The following SPTAN1 variants were observed in gnomAD, a reference collection of about 807,000 sequenced individuals.
The protein encoded by SPTAN1 is spectrin alpha, non-erythrocytic 1.
Under a neutral mutation model 331.3 loss-of-function variants are expected in SPTAN1, and 61 were observed. The observed-to-expected ratio is 0.18, with a 90% confidence interval of 0.15 to 0.23. SPTAN1 has a LOEUF of 0.23. Ranked by LOEUF, SPTAN1 falls within the 10% of genes least tolerant of loss-of-function variation. The pLI, the probability that SPTAN1 is intolerant of heterozygous loss-of-function variation, is 1.00. For synonymous variants in SPTAN1, 1,153 were observed against 1,173.9 expected (o/e 0.98, Z 0.36); for missense variants, 2,043 against 3,147.9 (o/e 0.65, Z 8.40).
intron 45 of SPTAN1, among the ~76,000 whole-genome samples, chr9:128,623,089 C>T (rs932286306): frequency 2.0e-5 from 3 of 149,036 alleles, no homozygotes; most frequent in Non-Finnish European, 4.5e-5. Flanking sequence ...GAGTCTTGCT[C>T]TTGTCGCCCA....
intron 1 of SPTAN1, among the ~76,000 whole-genome samples, chr9:128,565,121 G>C (rs1849863862): frequency 6.6e-6 from 1 of 152,130 alleles, no homozygotes; most frequent in Admixed American, 6.5e-5. Context: ...TGGCCAACAT[G>C]GTGAAACCCC....
Position 128,633,575 on chromosome 9 carries a change from G to A in SPTAN1, c.*241G>A, listed in dbSNP as rs1412940638. On this transcript the variant is annotated 3_prime_UTR_variant, in exon 57 of 57. Coordinates refer to ENST00000372739, the MANE Select transcript of SPTAN1 (RefSeq NM_001130438.3). ...CTCATTCCGACTTCAGAAAATCGAA[G>A]CAGCTGGCTCCTCCCCTTGTTCTCT... The A allele has an allele frequency of 9.3e-6, 10 of 1,073,782 alleles. No homozygotes were observed. Among genetic ancestry groups the A allele is most frequent in the Non-Finnish European group, 1.2e-5 (9 of 736,120 alleles). The allele number at this position is 1,073,782 out of a possible 1,614,324, so 66.5% of individuals were successfully genotyped here.
chr9:128,610,414 G>T (rs550178651), intron 37 of SPTAN1, among the ~76,000 whole-genome samples: 1 of 152,298 alleles, frequency 6.6e-6, no homozygotes, highest in East Asian at 1.9e-4. Flanking sequence ...TTCCTTCTTG[G>T]CTTTGGGATC....
chr9:128,578,918 CT>C (rs1851630103), intron 9 of SPTAN1, among the ~76,000 whole-genome samples: 1 of 151,040 alleles, frequency 6.6e-6, no homozygotes, highest in Non-Finnish European at 1.5e-5. Context: ...ACATGTTTCT[CT>C]ACACTAGCAA....
chr9:128,590,564 A>AT (rs1412537368), intron 21 of SPTAN1, among the ~76,000 whole-genome samples: 1 of 150,096 alleles, frequency 6.7e-6, no homozygotes, highest in Non-Finnish European at 1.5e-5. Context: ...GAAAAAAAAA[A>AT]AAAAGGGCCA....
intron 2 of SPTAN1, among the ~76,000 whole-genome samples, chr9:128,568,470 G>C (rs941993232): frequency 6.6e-6 from 1 of 152,182 alleles, no homozygotes; most frequent in Non-Finnish European, 1.5e-5. Flanking sequence ...CTAATTTTCT[G>C]ATAGCAAAAA....
chr9:128,591,393 CGT>C, intron 21 of SPTAN1, 82 bp from the exon 22 acceptor site: 5 of 1,573,934 alleles, frequency 3.2e-6, no homozygotes, highest in Non-Finnish European at 4.4e-6. Flanking sequence ...ACAACGCTCT[CGT>C]GTGTGTGTAT....
chr9:128,609,088 G>A (rs1856278140), intron 35 of SPTAN1, 34 bp from the exon 36 acceptor site: 1 of 1,614,100 alleles, frequency 6.2e-7, no homozygotes, highest in Non-Finnish European at 8.5e-7. Flanking sequence ...GGTAAGATAT[G>A]CTCATGTTGG....
Position 128,625,754 on chromosome 9 carries a change from T to A in SPTAN1, c.6070-15T>A. On this transcript the variant is annotated splice_polypyrimidine_tract_variant and intron_variant, in intron 47 of 56. Coordinates refer to ENST00000372739, the MANE Select transcript of SPTAN1 (RefSeq NM_001130438.3). The surrounding 1 kb of genome is among the most constrained non-coding windows in gnomAD (Gnocchi z 4.1). ...TGTGGAGTCACCACAAATTGGCTTG[T>A]CACTCCTTGTTCAGGAAACTTTTGA... 1 of 1,613,476 alleles carries A rather than the reference T, an allele frequency of 6.2e-7. No individual in the cohort carries two copies. The highest frequency in any genetic ancestry group is 8.5e-7 in the Non-Finnish European group (1 of 1,179,876).
intron 51 of SPTAN1, chr9:128,628,155 G>T (rs748437388): frequency 1.1e-5 from 8 of 743,850 alleles, no homozygotes; most frequent in Admixed American, 1.9e-5. Context: ...TCAAGCCAGG[G>T]GGAGCCGTCC....
intron 16 of SPTAN1, 129 bp from the exon 17 acceptor site, chr9:128,584,153 C>A: frequency 6.7e-7 from 1 of 1,497,520 alleles, no homozygotes; most frequent in Non-Finnish European, 9.2e-7. Flanking sequence ...TTTCTAGGAG[C>A]CCCAGATGAA....
chr9:128,598,996 G>T lies in SPTAN1; in HGVS notation c.3543+10G>T, dbSNP rs754641622. The T allele has an allele frequency of 6.2e-7, 1 of 1,613,662 alleles. No individual in the cohort carries two copies. Among genetic ancestry groups the T allele is most frequent in the Non-Finnish European group, 8.5e-7 (1 of 1,179,602 alleles). ...TGGCATGATGCCCAGGGTAAGTTTCGGGTGCTGTGTGTGGATCTTGAACAT... is the reference window on the plus strand; with the variant it reads ...TGGCATGATGCCCAGGGTAAGTTTCTGGTGCTGTGTGTGGATCTTGAACAT... On this transcript the variant is annotated intron_variant, in intron 26 of 56. Transcript: ENST00000372739.
rs150793549 is a variant in SPTAN1 at position 128,568,839 on chromosome 9, T to G, written c.305T>G (p.Leu102Arg). The change falls in exon 3 of 57, where the codon CTG becomes CGG. Residue 102 changes from leucine (L) to arginine (R), a missense_variant. This residue lies in a region of SPTAN1 where 1,038 missense variants were observed against 1,531.5 expected (regional missense o/e 0.68). Transcript: ENST00000372739. ...VQANSGAIVKLDETGNLMISE... is the reference protein window; with the variant it reads ...VQANSGAIVKRDETGNLMISE... ...GCCAACTCAGGAGCCATTGTTAAGC[T>G]GGATGAAACTGGAAACCTGATGATC... 2 of 1,614,162 alleles carry G rather than the reference T, an allele frequency of 1.2e-6. No individual in the cohort carries two copies. Among genetic ancestry groups the G allele is most frequent in the Non-Finnish European group, 1.7e-6 (2 of 1,180,016 alleles).
chr9:128,584,946 T>A, intron 18 of SPTAN1, 103 bp downstream of exon 18: 1 of 1,359,308 alleles, frequency 7.4e-7, no homozygotes, highest in Non-Finnish European at 1.0e-6. Flanking sequence ...GCTCTGGGGC[T>A]GAATACCATC....
chr9:128,611,261 G>A lies in SPTAN1; in HGVS notation c.4774-453G>A, dbSNP rs530868477. On this transcript the variant is annotated intron_variant, in intron 37 of 56. Coordinates refer to ENST00000372739, the MANE Select transcript of SPTAN1 (RefSeq NM_001130438.3). Reference sequence around the variant, plus strand: ...AATGTGGCTCGATTGCTTGAGCTCGGGAGTTCAAGACCAGCCTGGGCAACA... The same window carrying A: ...AATGTGGCTCGATTGCTTGAGCTCGAGAGTTCAAGACCAGCCTGGGCAACA... 5.9e-5 allele frequency among the ~76,000 whole-genome samples: 9 copies of A among 152,264 alleles called. No individual in the cohort carries two copies. The East Asian group carries it at 1.7e-3, about 29-fold the overall frequency.
Position 128,633,590 on chromosome 9 carries a change from C to A in SPTAN1, c.*256C>A, listed in dbSNP as rs907181764. 1.8e-6 allele frequency: 2 copies of A among 1,115,502 alleles called. No homozygotes were observed. Among genetic ancestry groups the A allele is most frequent in the African/African-American group, 3.1e-5 (2 of 64,612 alleles). 69.1% of individuals were successfully genotyped at this position (1,115,502 alleles called of 1,614,324 possible). A position where few individuals can be genotyped will look rare whatever the true frequency, so the allele number is the denominator to read the frequency against. ...GAAAATCGAAGCAGCTGGCTCCTCC[C>A]CTTGTTCTCTCTCCCACCCTCCCCC... On this transcript the variant is annotated 3_prime_UTR_variant, in exon 57 of 57. Coordinates refer to ENST00000372739, the MANE Select transcript of SPTAN1 (RefSeq NM_001130438.3).
chr9:128,559,628 A>G (rs559981894), intron 1 of SPTAN1, among the ~76,000 whole-genome samples: 1 of 152,292 alleles, frequency 6.6e-6, no homozygotes, highest in African/African-American at 2.4e-5. Flanking sequence ...TAATTTCTCA[A>G]TGTTTTTCCA....
chr9:128,568,086 A>G (rs1850248854), intron 2 of SPTAN1, among the ~76,000 whole-genome samples: 1 of 152,226 alleles, frequency 6.6e-6, no homozygotes, highest in Non-Finnish European at 1.5e-5. Context: ...AAAAAGGGAA[A>G]GCCTTTCTTC....
intron 41 of SPTAN1, among the ~76,000 whole-genome samples, 159 bp downstream of exon 41, chr9:128,615,999 G>A (rs979449812): frequency 3.3e-5 from 5 of 152,246 alleles, no homozygotes; most frequent in African/African-American, 9.6e-5. Context: ...TCTGCTTTCC[G>A]GGTTTACAGT....
Sources: allele counts gnomAD v4.1 joint callset (sites outside exome capture counted in the v4.1 genomes callset), GRCh38; gene constraint gnomAD v4.1.1; regional missense constraint gnomAD v4.1.1; non-coding constraint Gnocchi (gnomAD v3.1); transcripts MANE v1.5; gene names NCBI Gene and HGNC (gene_info 2026-07-23, HGNC 2026-07-21).